The following DPP10 variants were observed in gnomAD, a reference collection of about 807,000 sequenced individuals.
DPP10 encodes the protein dipeptidyl peptidase like 10.
Under a neutral mutation model 120.9 loss-of-function variants are expected in DPP10, and 33 were observed. The observed-to-expected ratio is 0.27, with a 90% CI of 0.21 to 0.37. The LOEUF is 0.37. Ranked by LOEUF, DPP10 falls within the 10% of genes least tolerant of loss-of-function variation. The probability of loss-of-function intolerance (pLI) is 1.00; values close to 1 mark genes in which losing one functional copy is unlikely to be tolerated. For missense variants in DPP10, 816 were observed against 942.8 expected, an observed-to-expected ratio of 0.87 and a Z score of 1.76; for synonymous variants, 337 against 326.1, an observed-to-expected ratio of 1.03 and a Z score of -0.36.
chr2:115,570,036 AC>A (rs1366412299), intron 5 of DPP10, among the ~76,000 whole-genome samples: 1 of 152,232 alleles, frequency 6.6e-6, no homozygotes, highest in Non-Finnish European at 1.5e-5. Flanking sequence ...TCTGTGTGAC[AC>A]AGAGATGAAG....
At position 115,753,157 on chromosome 2, in the gene DPP10, T is replaced by G. The variant is rs748974117; in HGVS notation, c.951-17T>G. Reference sequence around the variant, plus strand: ...CTCTGGCTCTAAACATACATTTTAATTTTGTTTCCAAACTAGAGAATACTA... The same window carrying G: ...CTCTGGCTCTAAACATACATTTTAAGTTTGTTTCCAAACTAGAGAATACTA... On this transcript the variant is annotated splice_polypyrimidine_tract_variant and intron_variant, in intron 10 of 25. Coordinates refer to ENST00000410059, the MANE Select transcript of DPP10 (RefSeq NM_020868.6). The G allele has an allele frequency of 6.2e-7, 1 of 1,605,596 alleles. No homozygotes were observed. Among genetic ancestry groups the G allele is most frequent in the Non-Finnish European group, 8.5e-7 (1 of 1,175,042 alleles).
intron 24 of DPP10, 24 bp downstream of exon 24, chr2:115,836,770 T>C (rs1379621320): frequency 6.2e-7 from 1 of 1,603,146 alleles, no homozygotes; most frequent in African/African-American, 1.3e-5. Flanking sequence ...TTGCCGCTGC[T>C]GTTTGATAGG....
chr2:114,855,387 A>G (rs1689292126), intron 1 of DPP10, among the ~76,000 whole-genome samples: 2 of 152,210 alleles, frequency 1.3e-5, no homozygotes, highest in African/African-American at 2.4e-5. Flanking sequence ...ACACCTTAAT[A>G]GCAAATCCAC....
At chr2:114,614,679 G>A (rs1166575065) in intron 1 of DPP10, among the ~76,000 whole-genome samples, 4 of 152,080 alleles carry the variant, frequency 2.6e-5, no homozygotes, top group Admixed American at 2.6e-4. Context: ...GCAATTTCGG[G>A]ATACTCCGGG....
At chr2:115,737,934 A>G (rs1363959410) in intron 8 of DPP10, among the ~76,000 whole-genome samples, 2 of 152,180 alleles carry the variant, frequency 1.3e-5, no homozygotes, top group Non-Finnish European at 2.9e-5. Flanking sequence ...GAGGAGTTCT[A>G]GTTCCCTAGG....
chr2:114,786,188 G>T (rs1682751509), intron 1 of DPP10, among the ~76,000 whole-genome samples: 1 of 152,216 alleles, frequency 6.6e-6, no homozygotes, highest in Non-Finnish European at 1.5e-5. Flanking sequence ...AACTGATTAA[G>T]CTAAATTATT....
intron 1 of DPP10, among the ~76,000 whole-genome samples, chr2:114,793,469 A>G (rs1280486815): frequency 6.6e-6 from 1 of 152,190 alleles, no homozygotes; most frequent in Non-Finnish European, 1.5e-5. Context: ...TCTGCAAAGG[A>G]CATGAACTCA....
intron 1 of DPP10, among the ~76,000 whole-genome samples, chr2:114,517,071 A>G (rs1348088467): frequency 6.6e-6 from 1 of 151,862 alleles, no homozygotes; most frequent in Non-Finnish European, 1.5e-5. Context: ...CTTGGCATTG[A>G]TTTAGTGAGA....
intron 1 of DPP10, among the ~76,000 whole-genome samples, chr2:114,549,663 C>CAAAAAAA (rs869226518): frequency 2.6e-5 from 2 of 76,486 alleles, no homozygotes; most frequent in Non-Finnish European, 4.8e-5. Context: ...TGTGTGTCAA[C>CAAAAAAA]AAAAAAAAAA....
At chr2:115,588,631 T>A (rs2082438708) in intron 5 of DPP10, among the ~76,000 whole-genome samples, 1 of 152,246 alleles carries the variant, frequency 6.6e-6, no homozygotes, top group Admixed American at 6.5e-5. Flanking sequence ...TGTTTTTAAA[T>A]GTCAGTCCCA....
chr2:115,013,158 C>G (rs909359853), intron 1 of DPP10, among the ~76,000 whole-genome samples: 1 of 152,058 alleles, frequency 6.6e-6, no homozygotes, highest in African/African-American at 2.4e-5. Context: ...ATATTTAGTG[C>G]TTCCTTCAGG....
chr2:114,845,345 A>G (rs1688462772), intron 1 of DPP10, among the ~76,000 whole-genome samples: 2 of 152,182 alleles, frequency 1.3e-5, no homozygotes, highest in Non-Finnish European at 2.9e-5. Context: ...GACAGGGGGT[A>G]TATAAGAACT....
At chr2:114,594,451 CACAT>C (rs1399790643) in intron 1 of DPP10, among the ~76,000 whole-genome samples, 3 of 147,332 alleles carry the variant, frequency 2.0e-5, no homozygotes, top group Admixed American at 6.8e-5. Flanking sequence ...TATATGTGAA[CACAT>C]ACATATGTAA....
At chr2:115,553,864 A>G (rs2080034520) in intron 5 of DPP10, among the ~76,000 whole-genome samples, 1 of 151,642 alleles carries the variant, frequency 6.6e-6, no homozygotes, top group Non-Finnish European at 1.5e-5. Flanking sequence ...TTCTTATTAT[A>G]CTATTCAAAC....
At chr2:114,959,804 G>A (rs114845615) in intron 1 of DPP10, among the ~76,000 whole-genome samples, 8,466 of 152,244 alleles carry the variant, frequency 0.056, 299 homozygotes, top group East Asian at 0.12. Context: ...TTGGTTCGCA[G>A]TTTTCTAATT....
intron 1 of DPP10, among the ~76,000 whole-genome samples, chr2:114,928,733 G>A (rs1695830380): frequency 1.3e-5 from 2 of 151,852 alleles, no homozygotes; most frequent in South Asian, 2.1e-4. Flanking sequence ...TTTTGCCTGG[G>A]CACCACACAT....
At chr2:115,721,436 T>C (rs17044914) in intron 7 of DPP10, among the ~76,000 whole-genome samples, 4,419 of 152,262 alleles carry the variant, frequency 0.029, 149 homozygotes, top group South Asian at 0.09. Context: ...ATGTATATTA[T>C]CACAAAAATT....
chr2:115,142,733 A>T (rs2050998030), intron 1 of DPP10, among the ~76,000 whole-genome samples: 1 of 152,104 alleles, frequency 6.6e-6, no homozygotes, highest in South Asian at 2.1e-4. Flanking sequence ...GTTCCCTGGG[A>T]ATACTTACTG....
In DPP10 at chr2:115,276,185, C is replaced by T. The variant is rs2059914796; in HGVS notation, c.61-33054C>T. On this transcript the variant is annotated intron_variant, in intron 1 of 25. Transcript: ENST00000410059. Reference sequence around the variant, plus strand: ...AGAAAACACTCGAATGGCAGGTTGCCAATTAGAGAGGGGAGTATAAAGATA... The same window carrying T: ...AGAAAACACTCGAATGGCAGGTTGCTAATTAGAGAGGGGAGTATAAAGATA... 2.6e-5 allele frequency among the ~76,000 whole-genome samples: 4 copies of T among 152,040 alleles called. No homozygotes were observed. In the South Asian group the frequency reaches 8.3e-4, roughly 32 times the overall value.
Sources: gnomAD v4.1 joint callset for allele counts (sites outside exome capture counted in the v4.1 genomes callset) on GRCh38, gnomAD v4.1.1 for gene constraint, MANE v1.5 for transcripts, NCBI Gene and HGNC (gene_info 2026-07-23, HGNC 2026-07-21) for gene names.